TECTB: variants seen among roughly 807,000 people sequenced by gnomAD.
The protein encoded by TECTB is tectorin beta.
Under a neutral mutation model 43.3 loss-of-function variants are expected in TECTB, and 45 were observed. The ratio of observed to expected loss-of-function variants is 1.04; its 90% confidence interval spans 0.82 to 1.33. TECTB has a LOEUF of 1.33. Among genes scored for constraint, TECTB ranks in the 40% most tolerant of loss-of-function variants. The pLI is 0.00. For synonymous variants in TECTB, 169 were observed against 156.7 expected, an observed-to-expected ratio of 1.08 and a Z score of -0.59; for missense variants, 399 against 404.7, an observed-to-expected ratio of 0.99 and a Z score of 0.12.
rs529854128 is a variant in TECTB, at chr10:112,297,648, T to C, written c.672-421T>C. The stretch of plus-strand genomic sequence containing the variant: ...AAACCTCACAGTTCACACACAGAAA[T>C]GTGTTGGGTGTGACTTGAGCTTAGG... On this transcript the variant is annotated intron_variant, in intron 7 of 10. Coordinates refer to ENST00000646139, the MANE Select transcript of TECTB (RefSeq NM_058222.3). Among the ~76,000 whole-genome samples the C allele has an allele frequency of 6.6e-5, 10 of 152,220 alleles. No homozygotes were observed. In the South Asian group the frequency reaches 1.9e-3, roughly 28 times the overall value.
intron 5 of TECTB, among the ~76,000 whole-genome samples, chr10:112,292,050 G>A (rs377429789): frequency 4.0e-5 from 6 of 151,866 alleles, no homozygotes; most frequent in African/African-American, 1.2e-4. Context: ...GCAGAAGAAT[G>A]GCGTGAACCC....
Position 112,284,581 on chromosome 10 carries a change from C to T in TECTB, c.123C>T (p.Ile41=). Residue 41 remains isoleucine, a synonymous_variant, in exon 3 of 11, where the codon ATC becomes ATT. Coordinates refer to ENST00000646139, the MANE Select transcript of TECTB (RefSeq NM_058222.3). ...FCYPKTIITK[I]PECPYGWEVH... ...ATCCCAAAACCATCATCACCAAAAT[C>T]CCCGAGTGTCCCTATGGATGGGAAG... The T allele has an allele frequency of 6.2e-7, 1 of 1,612,550 alleles. No homozygotes were observed. The highest frequency in any genetic ancestry group is 8.5e-7 in the Non-Finnish European group (1 of 1,179,232).
At chr10:112,290,708 A>C (rs1848492797) in intron 5 of TECTB, among the ~76,000 whole-genome samples, 1 of 152,226 alleles carries the variant, frequency 6.6e-6, no homozygotes, top group African/African-American at 2.4e-5. Flanking sequence ...AAGGAACATT[A>C]AAAATCACTG....
Position 112,299,495 on chromosome 10 carries a change from T to C in TECTB, c.838T>C (p.Cys280Arg). The C allele has an allele frequency of 6.2e-7, 1 of 1,614,240 alleles. No homozygotes were observed. The highest frequency in any genetic ancestry group is 8.5e-7 in the Non-Finnish European group (1 of 1,180,024). Residue 280 changes from cysteine (C) to arginine (R), a missense_variant, in exon 9 of 11, where the codon TGC becomes CGC. Cys to Arg is a radical substitution (Grantham distance 180, BLOSUM62 -3). Transcript: ENST00000646139. ...DSEKLSCPVT[C>R]DKRKRLLRDQ... ...GTCTGCCTCTCTGGGTCTTCAGACC[T>C]GCGATAAACGGAAGCGCCTCCTGCG...
chr10:112,300,116 C>T (rs188928892), intron 9 of TECTB, among the ~76,000 whole-genome samples: 314 of 147,208 alleles, frequency 2.1e-3, no homozygotes, highest in Non-Finnish European at 3.4e-3. Flanking sequence ...GAGCTGAGAT[C>T]GCGCCATTGT....
At position 112,284,603 on chromosome 10, in the gene TECTB, G is replaced by T; in HGVS notation, c.145G>T (p.Glu49Ter). The T allele has an allele frequency of 6.2e-7, 1 of 1,613,808 alleles. No homozygotes were observed. The highest frequency in any genetic ancestry group is 1.1e-5 in the South Asian group (1 of 90,994). ...AATCCCCGAGTGTCCCTATGGATGG[G>T]AAGTTCATCAGCTGGCCCTCGGAGG... ...TKIPECPYGW[E>*]VHQLALGGLC... Residue 49 changes from glutamate (E) to a stop codon, truncating the protein, a stop_gained, in exon 3 of 11, where the codon GAA becomes TAA. Coordinates refer to ENST00000646139, the MANE Select transcript of TECTB (RefSeq NM_058222.3). LOFTEE classifies it high-confidence loss of function.
At chr10:112,289,607 C>T (rs1848481720) in intron 5 of TECTB, among the ~76,000 whole-genome samples, 1 of 152,200 alleles carries the variant, frequency 6.6e-6, no homozygotes, top group Non-Finnish European at 1.5e-5. Context: ...AATTATCTGG[C>T]TGACAGTACT....
intron 9 of TECTB, among the ~76,000 whole-genome samples, chr10:112,300,250 GAAAGAAAGAAAGAAAGAAAGAAAGAAAGA>G (rs1282977884): frequency 0.24 from 10,051 of 42,648 alleles, 617 homozygotes; most frequent in African/African-American, 0.32. Context: ...AAGAAAGAAA[GAAAGAAAGAAAGAAAGAAAGAAAGAAAGA>G]AAAGAAAGAA....
chr10:112,303,093 C>A, intron 10 of TECTB, 170 bp from the exon 11 acceptor site: 1 of 723,894 alleles, frequency 1.4e-6, no homozygotes, highest in African/African-American at 1.7e-5. Flanking sequence ...CTGTCAGGTT[C>A]TTTGTACTGA....
At chr10:112,287,006 G>A (rs1848460649) in intron 5 of TECTB, among the ~76,000 whole-genome samples, 2 of 152,186 alleles carry the variant, frequency 1.3e-5, no homozygotes, top group African/African-American at 2.4e-5. Context: ...AGAAAACTGA[G>A]GCAAGGTCAA....
rs1243154289 is a variant in TECTB, at chr10:112,300,270, GAAAGAAAGA to G, written c.907+718_907+726del. ...AGAAAGAAAGAAAGAAAGAAAGAAA[GAAAGAAAGA>G]AAAGAAAGAAAGAAAGAAAGAAAGA... On this transcript the variant is annotated intron_variant, in intron 9 of 10. Coordinates refer to ENST00000646139, the MANE Select transcript of TECTB (RefSeq NM_058222.3). 8.1e-3 allele frequency among the ~76,000 whole-genome samples: 207 copies of G among 25,428 alleles called. 4 individuals carry two copies. Among genetic ancestry groups the G allele is most frequent in the East Asian group, 0.023 (18 of 784 alleles). The allele number at this position is 25,428 out of a possible 152,430, so 16.7% of individuals were successfully genotyped here.
intron 9 of TECTB, 116 bp downstream of exon 9, chr10:112,299,680 G>A: frequency 8.9e-7 from 1 of 1,124,340 alleles, no homozygotes; most frequent in Non-Finnish European, 1.3e-6. Context: ...CGTGCCTGTG[G>A]GCACAACCTT....
At chr10:112,292,991 A>G (rs1167804254) in intron 5 of TECTB, among the ~76,000 whole-genome samples, 1 of 151,994 alleles carries the variant, frequency 6.6e-6, no homozygotes, top group African/African-American at 2.4e-5. Flanking sequence ...AGGCCTCCCC[A>G]ACCACTGTAT....
At chr10:112,290,282 A>G (rs1057396584) in intron 5 of TECTB, among the ~76,000 whole-genome samples, 9 of 152,206 alleles carry the variant, frequency 5.9e-5, no homozygotes, top group African/African-American at 2.2e-4. Flanking sequence ...GTTTGGTACT[A>G]TCTGCAGTTT....
At chr10:112,303,195 C>A in intron 10 of TECTB, 68 bp from the exon 11 acceptor site, 1 of 1,582,416 alleles carries the variant, frequency 6.3e-7, no homozygotes, top group Non-Finnish European at 8.7e-7. Flanking sequence ...GTTAACTCTT[C>A]TGTTGAGTTG....
intron 9 of TECTB, among the ~76,000 whole-genome samples, chr10:112,301,210 G>A (rs1447063953): frequency 6.6e-6 from 1 of 152,134 alleles, no homozygotes; most frequent in Non-Finnish European, 1.5e-5. Context: ...ATCACCTGAG[G>A]TCAGGAGTTC....
rs1380129473 is a variant in TECTB, at chr10:112,284,638, C to T, written c.180C>T (p.Tyr60=). The change falls in exon 3 of 11, where the codon TAC becomes TAT. Residue 60 remains tyrosine (Y), a synonymous_variant. Coordinates refer to ENST00000646139, the MANE Select transcript of TECTB (RefSeq NM_058222.3). ...VHQLALGGLC[Y]NGVHEGGYYQ... ...AGCTGGCCCTCGGAGGGCTGTGTTA[C>T]AATGGGGTCCACGAAGGAGGTTACT... 1.9e-6 allele frequency: 3 copies of T among 1,613,724 alleles called. No homozygotes were observed. In the Admixed American group the frequency reaches 5.0e-5, roughly 27 times the overall value.
intron 5 of TECTB, 60 bp from the exon 6 acceptor site, chr10:112,293,677 TG>T: frequency 6.7e-7 from 1 of 1,483,792 alleles, no homozygotes; most frequent in Non-Finnish European, 9.4e-7. Context: ...CATCTGCTCC[TG>T]GTAGACCTAG....
intron 6 of TECTB, 64 bp downstream of exon 6, chr10:112,293,905 C>G: frequency 6.2e-7 from 1 of 1,604,884 alleles, no homozygotes; most frequent in Non-Finnish European, 8.5e-7. Flanking sequence ...AGCTGACATA[C>G]TTTTTAATCA....
Sources: gnomAD v4.1 joint callset for allele counts (sites outside exome capture counted in the v4.1 genomes callset) on GRCh38, gnomAD v4.1.1 for gene constraint, MANE v1.5 for transcripts, NCBI Gene and HGNC (gene_info 2026-07-23, HGNC 2026-07-21) for gene names.